Variants in AKAP6 observed in about 807,000 individuals in gnomAD.
The protein encoded by AKAP6 is A-kinase anchoring protein 6, also known as A-kinase anchor protein 6.
In AKAP6, 58 loss-of-function variants were observed where a neutral mutation model predicts 188.5. The observed-to-expected ratio is 0.31, with a 90% CI of 0.25 to 0.38. The LOEUF (loss-of-function observed/expected upper bound fraction) is 0.38, where lower values mean the gene tolerates loss of function less well. AKAP6 is among the 10% of genes least tolerant of loss of function. The pLI is 1.00. For synonymous variants in AKAP6, 989 were observed against 998.6 expected (o/e 0.99, Z 0.18); for missense variants, 2,710 against 2,740.0 (o/e 0.99, Z 0.24).
At chr14:32,383,087 ATGTGTGTGTGTGTGTGTGTGTG>A (rs3031402) in intron 1 of AKAP6, among the ~76,000 whole-genome samples, 2 of 143,170 alleles carry the variant, frequency 1.4e-5, no homozygotes, top group Admixed American at 7.1e-5. Context: ...GGCAGATTTT[ATGTGTGTGTGTGTGTGTGTGTG>A]TGTGTGTGTG....
intron 8 of AKAP6, 91 bp from the exon 9 acceptor site, chr14:32,695,899 A>G (rs1890383012): frequency 1.6e-5 from 23 of 1,420,018 alleles, no homozygotes; most frequent in Non-Finnish European, 2.0e-5. Flanking sequence ...CACTAGAAAC[A>G]TCATGGGTTT....
chr14:32,551,571 CAA>C (rs1184190008), intron 4 of AKAP6, among the ~76,000 whole-genome samples: 10 of 50,970 alleles, frequency 2.0e-4, no homozygotes, highest in Admixed American at 2.2e-4. Flanking sequence ...GACTTGGTCT[CAA>C]AAAAAAAAAA....
intron 1 of AKAP6, among the ~76,000 whole-genome samples, chr14:32,353,256 A>T (rs1887353336): frequency 6.6e-6 from 1 of 152,134 alleles, no homozygotes; most frequent in Admixed American, 6.5e-5. Context: ...AAAGAGGAAA[A>T]ATATTGTTAA....
chr14:32,465,828 C>T (rs975320017), intron 2 of AKAP6, among the ~76,000 whole-genome samples: 5 of 152,110 alleles, frequency 3.3e-5, no homozygotes, highest in South Asian at 4.1e-4. Context: ...TGCAATCTAT[C>T]CATCTGACAA....
chr14:32,741,497 G>A (rs771863140), intron 11 of AKAP6, among the ~76,000 whole-genome samples: 2 of 151,804 alleles, frequency 1.3e-5, no homozygotes, highest in South Asian at 2.1e-4. Flanking sequence ...CCTGTGGCTC[G>A]GTCGTATATA....
At chr14:32,446,978 T>C (rs1230162243) in intron 2 of AKAP6, among the ~76,000 whole-genome samples, 1 of 152,198 alleles carries the variant, frequency 6.6e-6, no homozygotes, top group Non-Finnish European at 1.5e-5. Context: ...AAAATTCTTA[T>C]TCTGAAATGA....
chr14:32,472,632 C>T (rs1055580916), intron 2 of AKAP6, among the ~76,000 whole-genome samples: 7 of 152,150 alleles, frequency 4.6e-5, no homozygotes, highest in African/African-American at 1.7e-4. Context: ...AGGGAGATGG[C>T]AACGAGGTTC....
chr14:32,725,962 A>T (rs1471189096), intron 9 of AKAP6, among the ~76,000 whole-genome samples: 1 of 152,228 alleles, frequency 6.6e-6, no homozygotes, highest in Non-Finnish European at 1.5e-5. Context: ...TAAGTAGATC[A>T]GGATTTTTAA....
chr14:32,780,155 A>ACAT (rs140827829), intron 12 of AKAP6, among the ~76,000 whole-genome samples: 4 of 91,508 alleles, frequency 4.4e-5, no homozygotes, highest in African/African-American at 1.6e-4. Flanking sequence ...TGAAAAAAAA[A>ACAT]ACATATATAT....
rs908562763 is a variant in AKAP6 at position 32,787,926 on chromosome 14, A to T, written c.3588+14033A>T. Among the ~76,000 whole-genome samples the T allele has an allele frequency of 4.6e-5, 7 of 151,880 alleles. No homozygotes were observed. In the East Asian group the frequency reaches 1.4e-3, roughly 29 times the overall value. On this transcript the variant is annotated intron_variant, in intron 12 of 13. Coordinates refer to ENST00000280979, the MANE Select transcript of AKAP6 (RefSeq NM_004274.5). ...CAGCCAAAAACAAATGTGTCATTCCAAATCCTTGGGAGGCTGAAACAGGAG... is the reference window on the plus strand; with the variant it reads ...CAGCCAAAAACAAATGTGTCATTCCTAATCCTTGGGAGGCTGAAACAGGAG...
At chr14:32,753,548 G>A (rs932793633) in intron 11 of AKAP6, among the ~76,000 whole-genome samples, 5 of 151,938 alleles carry the variant, frequency 3.3e-5, no homozygotes, top group African/African-American at 1.2e-4. Flanking sequence ...ATCTGTTTTT[G>A]TTTCTTGTGT....
intron 4 of AKAP6, among the ~76,000 whole-genome samples, chr14:32,560,399 T>A (rs1883901482): frequency 6.6e-6 from 1 of 151,770 alleles, no homozygotes; most frequent in Non-Finnish European, 1.5e-5. Flanking sequence ...CTGCCTCAGT[T>A]TGGTTTCTGT....
intron 12 of AKAP6, among the ~76,000 whole-genome samples, chr14:32,820,823 A>G (rs1230625463): frequency 6.6e-6 from 1 of 152,160 alleles, no homozygotes; most frequent in Non-Finnish European, 1.5e-5. Flanking sequence ...CTGAATAGGA[A>G]CACAGAGGAA....
At chr14:32,432,814 G>GT (rs1011167160) in intron 1 of AKAP6, among the ~76,000 whole-genome samples, 4 of 152,144 alleles carry the variant, frequency 2.6e-5, no homozygotes, top group Non-Finnish European at 2.9e-5. Context: ...TAGAAGTTTG[G>GT]TTTTTTCTCA....
intron 7 of AKAP6, among the ~76,000 whole-genome samples, chr14:32,635,623 A>G (rs1018552295): frequency 1.3e-5 from 2 of 152,106 alleles, no homozygotes; most frequent in South Asian, 2.1e-4. Context: ...GACTGAAATA[A>G]CACTGGTAAA....
Position 32,728,391 on chromosome 14 carries a change from TATCA to T in AKAP6, c.3001-4059_3001-4056del, listed in dbSNP as rs1240271872. On this transcript the variant is annotated intron_variant, in intron 9 of 13. Coordinates refer to ENST00000280979, the MANE Select transcript of AKAP6 (RefSeq NM_004274.5). ...CTATCTATCTATCTATCTATCTATC[TATCA>T]ATCGTATCTATCAGTCAATCATGCA... Among the ~76,000 whole-genome samples the T allele has an allele frequency of 2.1e-4, 29 of 137,326 alleles. No homozygotes were observed. In the Middle Eastern group the frequency reaches 0.011, roughly 54 times the overall value. The allele number at this position is 137,326 out of a possible 152,430, so 90.1% of individuals were successfully genotyped here. A position where few individuals can be genotyped will look rare whatever the true frequency, so the allele number is the denominator to read the frequency against.
Position 32,370,124 on chromosome 14 carries a change from C to T in AKAP6, c.-35+40716C>T, listed in dbSNP as rs1165617258. On this transcript the variant is annotated intron_variant, in intron 1 of 13. Transcript: ENST00000280979. Reference sequence around the variant, plus strand: ...ATTTCTAAGTCAGTATGTTGTGTTCCACTTTGGCCATATGATGCTTGGCAT... The same window carrying T: ...ATTTCTAAGTCAGTATGTTGTGTTCTACTTTGGCCATATGATGCTTGGCAT... Among the ~76,000 whole-genome samples the T allele has an allele frequency of 2.0e-5, 3 of 152,328 alleles. No individual in the cohort carries two copies. In the East Asian group the frequency reaches 5.8e-4, roughly 29 times the overall value.
intron 2 of AKAP6, among the ~76,000 whole-genome samples, chr14:32,491,048 G>A (rs10150425): frequency 0.59 from 89,523 of 151,956 alleles, 28,775 homozygotes; most frequent in African/African-American, 0.86. Flanking sequence ...AAGGGTTGCT[G>A]AGGTGATCTG....
intron 7 of AKAP6, among the ~76,000 whole-genome samples, chr14:32,676,603 A>T (rs945451727): frequency 1.3e-5 from 2 of 151,940 alleles, no homozygotes; most frequent in African/African-American, 4.8e-5. Flanking sequence ...AATCCAATTG[A>T]GTGTCTTCTT....
Sources: gnomAD v4.1 joint callset for allele counts (sites outside exome capture counted in the v4.1 genomes callset) on GRCh38, gnomAD v4.1.1 for gene constraint, MANE v1.5 for transcripts, NCBI Gene and HGNC (gene_info 2026-07-23, HGNC 2026-07-21) for gene names.